DPP10: variants seen among roughly 807,000 people sequenced by gnomAD.
DPP10 encodes the protein inactive dipeptidyl peptidase 10.
In DPP10, 33 loss-of-function variants were observed where a neutral mutation model predicts 120.9. That is an observed-to-expected ratio of 0.27 (90% CI 0.21 to 0.37). The LOEUF (loss-of-function observed/expected upper bound fraction) is 0.37, where lower values mean the gene tolerates loss of function less well. Ranked by LOEUF, DPP10 falls within the 10% of genes least tolerant of loss-of-function variation. The probability of loss-of-function intolerance (pLI) is 1.00; values close to 1 mark genes in which losing one functional copy is unlikely to be tolerated. For missense variants in DPP10, 816 were observed against 942.8 expected, an observed-to-expected ratio of 0.87 and a Z score of 1.76; for synonymous variants, 337 against 326.1, an observed-to-expected ratio of 1.03 and a Z score of -0.36.
At chr2:115,111,691 G>C (rs2049229503) in intron 1 of DPP10, among the ~76,000 whole-genome samples, 1 of 152,150 alleles carries the variant, frequency 6.6e-6, no homozygotes, top group South Asian at 2.1e-4. Flanking sequence ...GGGAAGGCAA[G>C]CTTCAGGCCT....
chr2:115,315,836 C>T (rs555438318), intron 2 of DPP10, among the ~76,000 whole-genome samples: 1 of 151,930 alleles, frequency 6.6e-6, no homozygotes, highest in Non-Finnish European at 1.5e-5. Context: ...ACAGTTTCCC[C>T]CTGGATAATA....
chr2:115,555,232 A>T (rs1489241555), intron 5 of DPP10, among the ~76,000 whole-genome samples: 1 of 152,114 alleles, frequency 6.6e-6, no homozygotes, highest in African/African-American at 2.4e-5. Context: ...CTGGAAACTT[A>T]GAACATGTGT....
chr2:114,758,657 AT>A (rs1440426117), intron 1 of DPP10, among the ~76,000 whole-genome samples: 12 of 152,208 alleles, frequency 7.9e-5, no homozygotes, highest in African/African-American at 2.9e-4. Flanking sequence ...TTTCAAATAA[AT>A]GTATGGGCTC....
chr2:115,751,138 C>G (rs1340232450), intron 10 of DPP10, among the ~76,000 whole-genome samples: 1 of 152,084 alleles, frequency 6.6e-6, no homozygotes, highest in Non-Finnish European at 1.5e-5. Context: ...CTTCAAATTT[C>G]AACAACATTT....
chr2:115,520,924 G>T (rs961824275), intron 4 of DPP10, among the ~76,000 whole-genome samples: 1 of 152,156 alleles, frequency 6.6e-6, no homozygotes, highest in African/African-American at 2.4e-5. Flanking sequence ...GGCAATAAAA[G>T]ATGTAAATTG....
intron 17 of DPP10, among the ~76,000 whole-genome samples, chr2:115,790,473 C>T (rs1456958774): frequency 6.6e-6 from 1 of 152,154 alleles, no homozygotes; most frequent in Non-Finnish European, 1.5e-5. Flanking sequence ...TTACTGATGT[C>T]CACTTCATGT....
chr2:114,902,676 A>C (rs2106634693), intron 1 of DPP10, among the ~76,000 whole-genome samples: 1 of 152,334 alleles, frequency 6.6e-6, no homozygotes, highest in African/African-American at 2.4e-5. Flanking sequence ...TTTACAGCAA[A>C]ATTAAGAAAG....
chr2:115,631,598 T>G (rs1294826547), intron 5 of DPP10, among the ~76,000 whole-genome samples: 1 of 152,146 alleles, frequency 6.6e-6, no homozygotes. Context: ...CCCAGTGATT[T>G]TGATACATTG....
intron 1 of DPP10, among the ~76,000 whole-genome samples, chr2:114,662,881 C>T (rs1278849465): frequency 6.6e-6 from 1 of 152,136 alleles, no homozygotes; most frequent in Non-Finnish European, 1.5e-5. Flanking sequence ...TAGCCGGGTC[C>T]TGAATGCCCA....
In DPP10 at chr2:115,792,764, G is replaced by A. The variant is rs954642384; in HGVS notation, c.1700+1408G>A. 3.9e-5 allele frequency among the ~76,000 whole-genome samples: 6 copies of A among 152,188 alleles called. No individual in the cohort carries two copies. In the East Asian group the frequency reaches 5.8e-4, roughly 15 times the overall value. On this transcript the variant is annotated intron_variant, in intron 19 of 25. Transcript: ENST00000410059. The stretch of plus-strand genomic sequence containing the variant: ...CAAACCCATCTTCTATCTCAGTCAC[G>A]TCTCCCTTTGGTAAAAGGAAATGTT...
chr2:115,736,200 G>C (rs1306314688), intron 8 of DPP10, among the ~76,000 whole-genome samples: 1 of 152,068 alleles, frequency 6.6e-6, no homozygotes, highest in East Asian at 1.9e-4. Flanking sequence ...GTGTTCTGTG[G>C]GTTATTGCTG....
At chr2:115,679,480 G>A (rs558016225) in intron 5 of DPP10, among the ~76,000 whole-genome samples, 2 of 152,188 alleles carry the variant, frequency 1.3e-5, no homozygotes, top group East Asian at 3.9e-4. Context: ...GTTTCCTGAG[G>A]CCTTCCCAGC....
intron 3 of DPP10, among the ~76,000 whole-genome samples, chr2:115,422,019 T>A (rs964279104): frequency 1.3e-5 from 2 of 151,794 alleles, no homozygotes; most frequent in African/African-American, 2.4e-5. Flanking sequence ...TATAAATAGG[T>A]ACTACAACTC....
intron 1 of DPP10, among the ~76,000 whole-genome samples, chr2:115,061,975 TG>T (rs1262514813): frequency 6.6e-6 from 1 of 152,066 alleles, no homozygotes; most frequent in East Asian, 1.9e-4. Context: ...TCTTTTCTGT[TG>T]TTTTTTTTAA....
intron 1 of DPP10, among the ~76,000 whole-genome samples, chr2:114,794,880 T>C (rs181721461): frequency 3.2e-4 from 48 of 152,344 alleles, no homozygotes; most frequent in Admixed American, 1.2e-3. Flanking sequence ...AATGATGAAA[T>C]GGATTAATAA....
chr2:115,628,674 T>G (rs2085573345), intron 5 of DPP10, among the ~76,000 whole-genome samples: 1 of 152,086 alleles, frequency 6.6e-6, no homozygotes, highest in Non-Finnish European at 1.5e-5. Flanking sequence ...ATCTTTAATC[T>G]GTCTTGAGTT....
At chr2:115,284,911 A>C (rs939776001) in intron 1 of DPP10, among the ~76,000 whole-genome samples, 9 of 152,002 alleles carry the variant, frequency 5.9e-5, no homozygotes, top group South Asian at 2.1e-4. Context: ...TAATCATATC[A>C]AATTATCAGC....
chr2:115,447,354 A>C (rs2072701564), intron 3 of DPP10, among the ~76,000 whole-genome samples: 1 of 152,088 alleles, frequency 6.6e-6, no homozygotes, highest in South Asian at 2.1e-4. Context: ...GTCTCAGATG[A>C]GACTTTGGAT....
chr2:114,671,061 C>A (rs531064680), intron 1 of DPP10, among the ~76,000 whole-genome samples: 41 of 152,168 alleles, frequency 2.7e-4, no homozygotes, highest in African/African-American at 9.6e-4. Context: ...AAGTCTGAAG[C>A]AAATTTGGTT....
Sources: gnomAD v4.1 joint callset for allele counts (sites outside exome capture counted in the v4.1 genomes callset) on GRCh38, gnomAD v4.1.1 for gene constraint, MANE v1.5 for transcripts, NCBI Gene and HGNC (gene_info 2026-07-23, HGNC 2026-07-21) for gene names.